The following EXPH5 variants were observed in gnomAD, a reference collection of about 807,000 sequenced individuals.
EXPH5 encodes exophilin 5.
In EXPH5, 42 loss-of-function variants were observed where a neutral mutation model predicts 41.1. That is an observed-to-expected ratio of 1.02 (90% confidence interval 0.80 to 1.32). The LOEUF (loss-of-function observed/expected upper bound fraction) is 1.32. Ranked by LOEUF, EXPH5 falls within the 40% of genes most tolerant of loss-of-function variation. The pLI, the probability that EXPH5 is intolerant of heterozygous loss-of-function variation, is 0.00. For missense variants in EXPH5, 2,298 were observed against 2,314.5 expected (o/e 0.99, Z 0.15); for synonymous variants, 798 against 833.5 (o/e 0.96, Z 0.73).
Position 108,512,795 on chromosome 11 carries a change from T to A in EXPH5, c.2712A>T (p.Thr904=). 5 of 1,614,164 alleles carry A rather than the reference T, an allele frequency of 3.1e-6. No homozygotes were observed. Among genetic ancestry groups the A allele is most frequent in the Non-Finnish European group, 4.2e-6 (5 of 1,180,014 alleles). ...CTGAAGGACTTCTCCTGGAGAACAC[T>A]GTAGTAGATGGAACCACAGGAGCAT... ...SLDAPVVPST[T]VFSRRSPSDK... Residue 904 remains threonine, a synonymous_variant, in exon 6 of 6, where the codon ACA becomes ACT. Transcript: ENST00000265843.
chr11:108,523,402 C>G (rs2093777818), intron 4 of EXPH5, among the ~76,000 whole-genome samples: 1 of 152,100 alleles, frequency 6.6e-6, no homozygotes, highest in Admixed American at 6.6e-5. Flanking sequence ...ATCCCAAACC[C>G]TCTTCTTTCC....
In EXPH5 at chr11:108,579,364, C is replaced by T. The variant is rs908718660; in HGVS notation, c.119+14054G>A. Among the ~76,000 whole-genome samples, 4 of 152,126 alleles carry T rather than the reference C, an allele frequency of 2.6e-5. No individual in the cohort carries two copies. In the East Asian group the frequency reaches 5.8e-4, roughly 22 times the overall value. On this transcript the variant is annotated intron_variant, in intron 1 of 5. Transcript: ENST00000265843. ...ATCTTTGCATCCCAGGGATGCATCC[C>T]GCCTGATTATAATGAATGACCATTT... is the stretch of plus-strand genomic sequence containing the variant.
chr11:108,581,389 A>T (rs1042270760), intron 1 of EXPH5, among the ~76,000 whole-genome samples: 5 of 152,132 alleles, frequency 3.3e-5, no homozygotes, highest in Admixed American at 6.6e-5. Flanking sequence ...CCCCCAACAC[A>T]AGGAAATGAT....
chr11:108,514,689 T>G lies in EXPH5; in HGVS notation c.818A>C (p.Asp273Ala), dbSNP rs371752745. The stretch of plus-strand genomic sequence containing the variant: ...CCTAGGAGTTCCTGGTCTTAGGATG[T>G]CATAGATAGACATATTGGAAGTTTC... ...YNETSNMSIY[D>A]ILRPGTPREG... Residue 273 changes from aspartate to alanine, a missense_variant, in exon 6 of 6, where the codon GAC becomes GCC. Transcript: ENST00000265843. The G allele has an allele frequency of 2.5e-6, 4 of 1,604,322 alleles. No homozygotes were observed. Among genetic ancestry groups the G allele is most frequent in the Non-Finnish European group, 3.4e-6 (4 of 1,176,694 alleles).
At position 108,513,237 on chromosome 11, in the gene EXPH5, C is replaced by T. The variant is rs2093696339; in HGVS notation, c.2270G>A (p.Gly757Asp). ...ACTTATTATGGTAGATGCATTAAAACCAAACCCGTTGCTCTTGGCTGAGTC... is the reference window on the plus strand; with the variant it reads ...ACTTATTATGGTAGATGCATTAAAATCAAACCCGTTGCTCTTGGCTGAGTC... ...SQDSAKSNGF[G>D]FNASTIISSK... Residue 757 changes from glycine to aspartate, a missense_variant, in exon 6 of 6, where the codon GGT becomes GAT. Physicochemically the swap from Gly to Asp is moderately conservative, Grantham distance 94. Transcript: ENST00000265843. 3 of 1,612,834 alleles carry T rather than the reference C, an allele frequency of 1.9e-6. No individual in the cohort carries two copies. The South Asian group carries it at 3.3e-5, about 18-fold the overall frequency.
At chr11:108,529,050 T>C (rs895071249) in intron 3 of EXPH5, among the ~76,000 whole-genome samples, 2 of 151,824 alleles carry the variant, frequency 1.3e-5, no homozygotes, top group African/African-American at 2.4e-5. Context: ...TTTCTCCTAA[T>C]AGGAAACAAA....
At chr11:108,603,505 C>T in the EXPH5 span, among the ~76,000 whole-genome samples, 145,219 of 152,316 alleles carry the variant, frequency 0.95, 69,644 homozygotes, top group East Asian at 1. Context: ...AGTGAGAATC[C>T]GTTTCTTAAA....
intron 5 of EXPH5, among the ~76,000 whole-genome samples, chr11:108,516,365 G>A (rs987254446): frequency 5.3e-5 from 8 of 152,042 alleles, no homozygotes; most frequent in African/African-American, 1.9e-4. Context: ...CATCCTTTTG[G>A]TGACACAGTT....
intron 1 of EXPH5, among the ~76,000 whole-genome samples, chr11:108,570,091 G>A (rs1306051872): frequency 6.6e-6 from 1 of 152,160 alleles, no homozygotes; most frequent in Non-Finnish European, 1.5e-5. Flanking sequence ...AGTAACTAGG[G>A]CCTGGCCTGC....
At chr11:108,561,800 T>C (rs2094012780) in intron 1 of EXPH5, among the ~76,000 whole-genome samples, 1 of 152,128 alleles carries the variant, frequency 6.6e-6, no homozygotes, top group Non-Finnish European at 1.5e-5. Flanking sequence ...AGCAGTACCA[T>C]GAAGAGAAGC....
chr11:108,594,535 C>G (rs1168443318), upstream of EXPH5, among the ~76,000 whole-genome samples: 1 of 152,082 alleles, frequency 6.6e-6, no homozygotes, highest in Non-Finnish European at 1.5e-5. Context: ...GTCAATTGTT[C>G]CACAATGCAA....
chr11:108,568,129 T>G (rs761904589), intron 1 of EXPH5: 2 of 141,200 alleles, frequency 1.4e-5, no homozygotes, highest in Non-Finnish European at 3.0e-5. Context: ...TTGTTACTGC[T>G]TCAGGGAGGA....
chr11:108,539,142 G>T lies in EXPH5; in HGVS notation c.325C>A (p.Gln109Lys). The T allele has an allele frequency of 6.2e-7, 1 of 1,609,524 alleles. No homozygotes were observed. Among genetic ancestry groups the T allele is most frequent in the Non-Finnish European group, 8.5e-7 (1 of 1,177,572 alleles). The change falls in exon 3 of 6, where the codon CAA becomes AAA. Residue 109 changes from glutamine to lysine, a missense_variant. By Grantham distance (53) the Gln-to-Lys change is moderately conservative. Transcript: ENST00000265843. Reference protein sequence around the residue: ...PTSRSKNVTNQKKPTPFSSRM... With the variant: ...PTSRSKNVTNKKKPTPFSSRM... ...GAAGAAAAAGGTGTCGGCTTTTTTT[G>T]ATTAGTTACATTTTTAGATCTTGAT... is the stretch of plus-strand genomic sequence containing the variant.
chr11:108,513,375 T>C lies in EXPH5; in HGVS notation c.2132A>G (p.Asp711Gly), dbSNP rs982569306. Residue 711 changes from aspartate (D) to glycine (G), a missense_variant, in exon 6 of 6, where the codon GAC becomes GGC. Physicochemically the swap from Asp to Gly is moderately conservative, Grantham distance 94 (BLOSUM62 -1). Coordinates refer to ENST00000265843, the MANE Select transcript of EXPH5 (RefSeq NM_015065.3). ...KDLNESISEE[D>G]KQLSKMDQTN... is the part of the protein sequence containing the mutation. Reference sequence around the variant, plus strand: ...CTGGTCCATCTTGCTTAGCTGTTTGTCTTCTTCTGAAATAGATTCATTTAA... The same window carrying C: ...CTGGTCCATCTTGCTTAGCTGTTTGCCTTCTTCTGAAATAGATTCATTTAA... The C allele has an allele frequency of 6.2e-7, 1 of 1,614,006 alleles. No individual in the cohort carries two copies. Among genetic ancestry groups the C allele is most frequent in the Non-Finnish European group, 8.5e-7 (1 of 1,180,000 alleles).
At position 108,510,221 on chromosome 11, in the gene EXPH5, C is replaced by T; in HGVS notation, c.5286G>A (p.Gln1762=). The change falls in exon 6 of 6, where the codon CAG becomes CAA. Residue 1762 remains glutamine (Q), a synonymous_variant. Transcript: ENST00000265843. The part of the protein sequence containing the change: ...LSPPFPLEPA[Q]KSRVSSPLAS... ...CCAGTGGACTGCTTACTCTAGATTT[C>T]TGTGCAGGCTCCAGTGGAAAAGGAG... is the stretch of plus-strand genomic sequence containing the variant. The T allele has an allele frequency of 6.2e-7, 1 of 1,613,690 alleles. No individual in the cohort carries two copies. Among genetic ancestry groups the T allele is most frequent in the Non-Finnish European group, 8.5e-7 (1 of 1,179,898 alleles).
At chr11:108,593,909 C>CT (rs2094134822), upstream of EXPH5, among the ~76,000 whole-genome samples, 2 of 145,982 alleles carry the variant, frequency 1.4e-5, no homozygotes, top group Non-Finnish European at 3.0e-5. Flanking sequence ...CGCCCCCTAT[C>CT]TGAGTTGTTA....
intron 1 of EXPH5, among the ~76,000 whole-genome samples, chr11:108,579,135 T>A (rs1023580877): frequency 1.4e-4 from 22 of 152,136 alleles, no homozygotes; most frequent in Admixed American, 1.3e-4. Context: ...ATGCTAGCTG[T>A]GGGTCTGTCC....
upstream of EXPH5, among the ~76,000 whole-genome samples, chr11:108,595,887 G>C (rs1410211182): frequency 1.3e-5 from 2 of 152,254 alleles, no homozygotes; most frequent in South Asian, 4.2e-4. Flanking sequence ...CAGGTTTTGA[G>C]GGTGATAATG....
chr11:108,509,542 G>GTTCTGACTCTTTGTCATTTTCATCCAT lies in EXPH5; in HGVS notation c.5964_5965insATGGATGAAAATGACAAAGAGTCAGAA (p.Glu1988_Leu1989insMetAspGluAsnAspLysGluSerGlu). On this transcript the variant is annotated inframe_insertion, in exon 6 of 6. Transcript: ENST00000265843. ...AGCATTTTATTGAAAAAGCCTCACAGTTCTGACTCTTTGTCATTTTCATCC... is the reference window on the plus strand; with the variant it reads ...AGCATTTTATTGAAAAAGCCTCACAGTTCTGACTCTTTGTCATTTTCATCCATTTCTGACTCTTTGTCATTTTCATCC... The GTTCTGACTCTTTGTCATTTTCATCCAT allele has an allele frequency of 6.5e-7, 1 of 1,550,050 alleles. No individual in the cohort carries two copies. The highest frequency in any genetic ancestry group is 8.7e-7 in the Non-Finnish European group (1 of 1,155,110).
Sources: gnomAD v4.1 joint callset for allele counts (sites outside exome capture counted in the v4.1 genomes callset) on GRCh38, gnomAD v4.1.1 for gene constraint, MANE v1.5 for transcripts, NCBI Gene and HGNC (gene_info 2026-07-23, HGNC 2026-07-21) for gene names.